The following KIF11 variants were observed in gnomAD, a reference collection of about 807,000 sequenced individuals.
KIF11 encodes kinesin family member 11, also known as kinesin-like protein KIF11.
KIF11 carries 9 observed loss-of-function variants against 121.0 expected under a neutral mutation model. The ratio of observed to expected loss-of-function variants is 0.07; its 90% CI spans 0.04 to 0.13. KIF11 has a LOEUF of 0.13. Among genes scored for constraint, KIF11 ranks in the 10% least tolerant of loss-of-function variants. The pLI is 1.00. For synonymous variants in KIF11, 408 were observed against 421.0 expected, an observed-to-expected ratio of 0.97 and a Z score of 0.38; for missense variants, 846 against 1,217.5, an observed-to-expected ratio of 0.69 and a Z score of 4.54.
intron 9 of KIF11, among the ~76,000 whole-genome samples, chr10:92,617,362 C>T (rs868803413): frequency 2.0e-5 from 3 of 152,116 alleles, no homozygotes; most frequent in Non-Finnish European, 2.9e-5. Flanking sequence ...CCTAGCATAA[C>T]CATTTGGGGT....
chr10:92,606,585 G>A (rs781603790), intron 2 of KIF11, 34 bp from the exon 3 acceptor site: 1 of 1,272,214 alleles, frequency 7.9e-7, no homozygotes, highest in South Asian at 1.3e-5. Context: ...GTAATTTTGA[G>A]GTTGATTTTT....
At chr10:92,650,345 C>A in intron 20 of KIF11, 56 bp from the exon 21 acceptor site, 1 of 978,216 alleles carries the variant, frequency 1.0e-6, no homozygotes, top group Non-Finnish European at 1.7e-6. Context: ...TGCTGTTACT[C>A]TTGTGATGAC....
chr10:92,648,605 G>C (rs1172896191), intron 19 of KIF11, among the ~76,000 whole-genome samples, 171 bp downstream of exon 19: 4 of 152,194 alleles, frequency 2.6e-5, no homozygotes, highest in Admixed American at 2.6e-4. Context: ...TTTTAATCAA[G>C]TGTCATGATA....
chr10:92,639,698 C>T (rs1329023166), intron 16 of KIF11, 96 bp from the exon 17 acceptor site: 1 of 646,088 alleles, frequency 1.5e-6, no homozygotes, highest in East Asian at 2.8e-5. Flanking sequence ...ATATAATTCT[C>T]ACCTATGGAC....
At chr10:92,632,800 C>A in intron 13 of KIF11, 107 bp downstream of exon 13, 1 of 587,666 alleles carries the variant, frequency 1.7e-6, no homozygotes, top group Non-Finnish European at 2.9e-6. Context: ...ATACTCTCTA[C>A]CATGCACAAA....
intron 10 of KIF11, among the ~76,000 whole-genome samples, chr10:92,627,251 T>C (rs1203615054): frequency 6.6e-6 from 1 of 152,186 alleles, no homozygotes; most frequent in Non-Finnish European, 1.5e-5. Flanking sequence ...AAATTGTTGG[T>C]TGTTATCAAA....
chr10:92,613,277 T>C lies in KIF11; in HGVS notation c.790-100T>C. On this transcript the variant is annotated intron_variant, in intron 7 of 21. Coordinates refer to ENST00000260731, the MANE Select transcript of KIF11 (RefSeq NM_004523.4). The surrounding 1 kb of genome is among the most constrained non-coding windows in gnomAD (Gnocchi z 4.2). ...AATTTGTTAATTACAGAAAAAATTA[T>C]TTTGCTGGCGATTTAATACATTATG... 9.1e-7 allele frequency: 1 copy of C among 1,104,206 alleles called. No homozygotes were observed. The highest frequency in any genetic ancestry group is 1.3e-6 in the Non-Finnish European group (1 of 780,994). The allele number at this position is 1,104,206 out of a possible 1,614,324, so 68.4% of individuals were successfully genotyped here.
At chr10:92,593,811 C>G (rs1176144814) in intron 1 of KIF11, among the ~76,000 whole-genome samples, 1 of 152,176 alleles carries the variant, frequency 6.6e-6, no homozygotes, top group Non-Finnish European at 1.5e-5. Context: ...ATTATTACCT[C>G]TAAAAAGCAA....
chr10:92,596,956 G>A, intron 1 of KIF11: 1 of 362,416 alleles, frequency 2.8e-6, no homozygotes, highest in East Asian at 7.4e-5. Context: ...GGCCTACCCA[G>A]CACCATACAG....
At chr10:92,627,540 A>C (rs1844693463) in intron 10 of KIF11, among the ~76,000 whole-genome samples, 1 of 152,164 alleles carries the variant, frequency 6.6e-6, no homozygotes, top group Non-Finnish European at 1.5e-5. Context: ...TCCTTATCTC[A>C]GAAACATTAT....
Position 92,606,729 on chromosome 10 carries a change from GT to G in KIF11, c.308+14del. The G allele has an allele frequency of 8.1e-7, 1 of 1,232,318 alleles. No individual in the cohort carries two copies. The highest frequency in any genetic ancestry group is 1.2e-6 in the Non-Finnish European group (1 of 846,006). 76.3% of individuals were successfully genotyped at this position (1,232,318 alleles called of 1,614,324 possible). A position where few individuals can be genotyped will look rare whatever the true frequency, so the allele number is the denominator to read the frequency against. On this transcript the variant is annotated intron_variant, in intron 3 of 21. Transcript: ENST00000260731. ...GCACTATCTTTGCGTAAGTAAAAGGGTGTTTTTTCTGATTTATGAAAAAGCT... is the reference window on the plus strand; with the variant it reads ...GCACTATCTTTGCGTAAGTAAAAGGGGTTTTTTCTGATTTATGAAAAAGCT...
Position 92,609,067 on chromosome 10 carries a change from G to C in KIF11, c.435G>C (p.Glu145Asp). The C allele has an allele frequency of 1.3e-6, 2 of 1,596,300 alleles. No homozygotes were observed. Among genetic ancestry groups the C allele is most frequent in the Non-Finnish European group, 1.7e-6 (2 of 1,172,862 alleles). Residue 145 changes from glutamate to aspartate, a missense_variant, in exon 5 of 22, where the codon GAG becomes GAC. Transcript: ENST00000260731. Reference protein sequence around the residue: ...IIPRTLHQIFEKLTDNGTEFS... With the variant: ...IIPRTLHQIFDKLTDNGTEFS... Reference sequence around the variant, plus strand: ...CACGTACCCTTCATCAAATTTTTGAGAAACTTACTGATAATGGTACTGAAT... The same window carrying C: ...CACGTACCCTTCATCAAATTTTTGACAAACTTACTGATAATGGTACTGAAT...
Position 92,645,546 on chromosome 10 carries a change from G to A in KIF11, c.2451G>A (p.Gln817=). The change falls in exon 18 of 22, where the codon CAG becomes CAA. Residue 817 remains glutamine, a synonymous_variant. Coordinates refer to ENST00000260731, the MANE Select transcript of KIF11 (RefSeq NM_004523.4). ...AAAAAATATCTCAAGAGACTGAACA[G>A]AGATGTGAATCTCTGAACACAAGAA... ...NLEKISQETE[Q]RCESLNTRTV... is the part of the protein sequence containing the mutation. 1 of 1,613,538 alleles carries A rather than the reference G, an allele frequency of 6.2e-7. No individual in the cohort carries two copies. Among genetic ancestry groups the A allele is most frequent in the Non-Finnish European group, 8.5e-7 (1 of 1,179,486 alleles).
chr10:92,610,233 T>C (rs1207578457), intron 6 of KIF11, among the ~76,000 whole-genome samples: 2 of 152,148 alleles, frequency 1.3e-5, no homozygotes, highest in African/African-American at 2.4e-5. Context: ...AACCCTTGCA[T>C]TGAATAAGGA....
At chr10:92,640,084 G>A (rs1844848948) in intron 17 of KIF11, among the ~76,000 whole-genome samples, 184 bp downstream of exon 17, 1 of 151,924 alleles carries the variant, frequency 6.6e-6, no homozygotes, top group Non-Finnish European at 1.5e-5. Flanking sequence ...TTGCGTATTT[G>A]TGCTCTCTTT....
intron 9 of KIF11, among the ~76,000 whole-genome samples, chr10:92,619,704 G>A (rs905123393): frequency 2.0e-5 from 3 of 151,942 alleles, no homozygotes; most frequent in Non-Finnish European, 2.9e-5. Context: ...ATATCTCATT[G>A]TGGTTTTTAA....
intron 1 of KIF11, among the ~76,000 whole-genome samples, chr10:92,594,588 T>A (rs1844271081): frequency 6.6e-6 from 1 of 152,214 alleles, no homozygotes; most frequent in Non-Finnish European, 1.5e-5. Flanking sequence ...ATTTCTTTTT[T>A]AATGTTAGTT....
intron 1 of KIF11, among the ~76,000 whole-genome samples, chr10:92,602,079 A>C (rs1218002742): frequency 6.6e-6 from 1 of 152,090 alleles, no homozygotes; most frequent in African/African-American, 2.4e-5. Flanking sequence ...CAATTTTTAC[A>C]TGTTGGACCA....
rs1287781457 is a variant in KIF11, at chr10:92,633,689, C to T, written c.1769C>T (p.Thr590Ile). The stretch of plus-strand genomic sequence containing the variant: ...ACTACAGTAGCACTTGGATCTCTCA[C>T]ATCTATTCCAGAAAATGTGTCTACT... ...TITTVALGSLTSIPENVSTHV... is the reference protein window; with the variant it reads ...TITTVALGSLISIPENVSTHV... The change falls in exon 14 of 22, where the codon ACA becomes ATA. Residue 590 changes from threonine to isoleucine, a missense_variant. Physicochemically the swap from Thr to Ile is moderately conservative, Grantham distance 89. This residue lies in a region of KIF11 where 492 missense variants were observed against 603.4 expected (regional missense o/e 0.82). Transcript: ENST00000260731. The T allele has an allele frequency of 3.1e-6, 5 of 1,601,536 alleles. No individual in the cohort carries two copies. The highest frequency in any genetic ancestry group is 2.2e-5 in the East Asian group (1 of 44,716).
Sources: allele counts gnomAD v4.1 joint callset (sites outside exome capture counted in the v4.1 genomes callset), GRCh38; gene constraint gnomAD v4.1.1; regional missense constraint gnomAD v4.1.1; non-coding constraint Gnocchi (gnomAD v3.1); transcripts MANE v1.5; gene names NCBI Gene and HGNC (gene_info 2026-07-23, HGNC 2026-07-21).